Variants in ANKRD54 observed in about 807,000 individuals in gnomAD.
ANKRD54 encodes ankyrin repeat domain-containing protein 54.
Under a neutral mutation model 36.2 loss-of-function variants are expected in ANKRD54, and 26 were observed. The ratio of observed to expected loss-of-function variants is 0.72; its 90% CI spans 0.53 to 1.00. The LOEUF (loss-of-function observed/expected upper bound fraction) is 1.00. Ranked by LOEUF, ANKRD54 falls within the 50% of genes least tolerant of loss-of-function variation. The pLI is 0.00. For missense variants in ANKRD54, 384 were observed against 424.3 expected (o/e 0.91, Z 0.83); for synonymous variants, 209 against 188.4 (o/e 1.11, Z -0.89).
chr22:37,832,540 C>A (rs771008742), intron 7 of ANKRD54, 97 bp downstream of exon 7: 1 of 1,178,686 alleles, frequency 8.5e-7, no homozygotes, highest in Non-Finnish European at 1.2e-6. Flanking sequence ...AGCCCACAGC[C>A]TCTTTCTGAT....
intron 1 of ANKRD54, among the ~76,000 whole-genome samples, chr22:37,840,640 C>T (rs971228346): frequency 2.0e-5 from 3 of 151,884 alleles, no homozygotes; most frequent in Non-Finnish European, 4.4e-5. Flanking sequence ...AATCCCAGCA[C>T]TTTGGGAGGC....
At chr22:37,843,726 A>T (rs1030833439) in intron 1 of ANKRD54, 185 bp downstream of exon 1, 8 of 337,078 alleles carry the variant, frequency 2.4e-5, no homozygotes, top group African/African-American at 4.3e-5. Context: ...AAGACTTTCT[A>T]AAAAAACCAT....
At chr22:37,834,024 C>T (rs1601719487) in intron 3 of ANKRD54, 1 of 409,406 alleles carries the variant, frequency 2.4e-6, no homozygotes, top group East Asian at 4.0e-5. Flanking sequence ...TAAAGTTCTT[C>T]CAATAGCAGC....
chr22:37,833,608 C>T (rs551616522), intron 4 of ANKRD54, 76 bp downstream of exon 4: 23 of 1,517,494 alleles, frequency 1.5e-5, no homozygotes, highest in African/African-American at 2.7e-5. Flanking sequence ...AGGAGCATGC[C>T]GGGCCCCACC....
intron 3 of ANKRD54, among the ~76,000 whole-genome samples, chr22:37,835,623 T>A (rs189599566): frequency 6.6e-6 from 1 of 151,980 alleles, no homozygotes; most frequent in Non-Finnish European, 1.5e-5. Flanking sequence ...CTGGGTAACA[T>A]AGCAGGACCA....
Position 37,843,947 on chromosome 22 carries a change from G to A in ANKRD54, c.292C>T (p.His98Tyr). Residue 98 changes from histidine (H) to tyrosine (Y), a missense_variant, in exon 1 of 8, where the codon CAC becomes TAC. His to Tyr is a moderately conservative substitution (Grantham distance 83). Coordinates refer to ENST00000215941, the MANE Select transcript of ANKRD54 (RefSeq NM_138797.4). ...AGRLRRAARP[H>Y]RRLGPTGKEV... ...TTGCCCGTGGGCCCGAGCCGCCGGTGGGGCCTGGCAGCGCGCCTCAGCCGG... is the reference window on the plus strand; with the variant it reads ...TTGCCCGTGGGCCCGAGCCGCCGGTAGGGCCTGGCAGCGCGCCTCAGCCGG... 7.2e-7 allele frequency: 1 copy of A among 1,382,152 alleles called. No homozygotes were observed. Among genetic ancestry groups the A allele is most frequent in the Non-Finnish European group, 9.3e-7 (1 of 1,070,684 alleles). The allele number at this position is 1,382,152 out of a possible 1,614,324, so 85.6% of individuals were successfully genotyped here. A position where few individuals can be genotyped will look rare whatever the true frequency, so the allele number is the denominator to read the frequency against.
chr22:37,843,923 T>C lies in ANKRD54; in HGVS notation c.316A>G (p.Lys106Glu). 4 of 1,342,436 alleles carry C rather than the reference T, an allele frequency of 3.0e-6. No individual in the cohort carries two copies. The highest frequency in any genetic ancestry group is 3.8e-6 in the Non-Finnish European group (4 of 1,050,142). The allele number at this position is 1,342,436 out of a possible 1,614,324, so 83.2% of individuals were successfully genotyped here. Residue 106 changes from lysine (K) to glutamate (E), a missense_variant, in exon 1 of 8, where the codon AAG becomes GAG. Around this residue, in one of 3 missense-constraint regions of ANKRD54, gnomAD observed 195 missense variants for 177.7 expected, o/e 1.10. Transcript: ENST00000215941. ...TCGCGCCGCTCACCGTGCACCTCCT[T>C]GCCCGTGGGCCCGAGCCGCCGGTGG... Reference protein sequence around the residue: ...RPHRRLGPTGKEVHALKRLRD... With the variant: ...RPHRRLGPTGEEVHALKRLRD...
chr22:37,832,142 C>T lies in ANKRD54; in HGVS notation c.829-125G>A. ...CTCCTCCCAGGGCGTGTGGTGGCTT[C>T]TGACTACGCAGCAGTTGACCAAGGG... On this transcript the variant is annotated intron_variant, in intron 7 of 7. Coordinates refer to ENST00000215941, the MANE Select transcript of ANKRD54 (RefSeq NM_138797.4). 6 of 881,074 alleles carry T rather than the reference C, an allele frequency of 6.8e-6. No homozygotes were observed. The South Asian group carries it at 9.5e-5, about 14-fold the overall frequency. The allele number at this position is 881,074 out of a possible 1,614,324, so 54.6% of individuals were successfully genotyped here.
intron 2 of ANKRD54, among the ~76,000 whole-genome samples, 196 bp downstream of exon 2, chr22:37,839,989 CAG>C (rs1448301325): frequency 2.6e-5 from 4 of 152,234 alleles, no homozygotes; most frequent in Admixed American, 6.5e-5. Flanking sequence ...TTCAAAGTGA[CAG>C]GGGAGCATGG....
At chr22:37,837,715 G>T (rs1923723734) in intron 3 of ANKRD54, among the ~76,000 whole-genome samples, 1 of 152,236 alleles carries the variant, frequency 6.6e-6, no homozygotes, top group Non-Finnish European at 1.5e-5. Flanking sequence ...CAAGGCTGGT[G>T]CAGTGGCTCA....
intron 1 of ANKRD54, among the ~76,000 whole-genome samples, chr22:37,840,983 G>A (rs557207179): frequency 1.6e-3 from 249 of 152,018 alleles, no homozygotes; most frequent in Non-Finnish European, 2.7e-3. Context: ...TTAGGAGGCC[G>A]AGGTAGGAGA....
At chr22:37,840,087 G>A (rs1001279989) in intron 2 of ANKRD54, 100 bp downstream of exon 2, 23 of 1,370,546 alleles carry the variant, frequency 1.7e-5, no homozygotes, top group East Asian at 1.2e-4. Context: ...CTCCAAGGGC[G>A]TGAGTTTGCA....
At position 37,833,202 on chromosome 22, in the gene ANKRD54, G is replaced by A. The variant is rs1360032552; in HGVS notation, c.552C>T (p.Ala184=). The change falls in exon 5 of 8, where the codon GCC becomes GCT. Residue 184 remains alanine (A), a synonymous_variant. Coordinates refer to ENST00000215941, the MANE Select transcript of ANKRD54 (RefSeq NM_138797.4). ...GLGNTPLHLA[A]CTNHVPVITT... is the part of the protein sequence containing the mutation. ...TGATGACAGGAACGTGGTTGGTGCAGGCCGCTGAGGAAGAACAACAGAGAC... is the reference window on the plus strand; with the variant it reads ...TGATGACAGGAACGTGGTTGGTGCAAGCCGCTGAGGAAGAACAACAGAGAC... 6.2e-7 allele frequency: 1 copy of A among 1,613,522 alleles called. No homozygotes were observed. The highest frequency in any genetic ancestry group is 8.5e-7 in the Non-Finnish European group (1 of 1,179,994).
upstream of ANKRD54, chr22:37,849,114 G>A (rs536115682): frequency 1.2e-3 from 529 of 441,650 alleles, 2 homozygotes; most frequent in Non-Finnish European, 1.8e-3. Flanking sequence ...AGCCTCCCGA[G>A]TAGCTGGAAT....
chr22:37,838,726 C>T (rs1923851750), intron 2 of ANKRD54, 128 bp from the exon 3 acceptor site: 6 of 844,016 alleles, frequency 7.1e-6, no homozygotes, highest in Non-Finnish European at 7.4e-6. Flanking sequence ...CATAGGAAAG[C>T]AGCCCTTCCT....
In ANKRD54 at chr22:37,838,581, C is replaced by T. The variant is rs1440075194; in HGVS notation, c.394G>A (p.Asp132Asn). 2 of 1,610,384 alleles carry T rather than the reference C, an allele frequency of 1.2e-6. No individual in the cohort carries two copies. The highest frequency in any genetic ancestry group is 1.7e-6 in the Non-Finnish European group (2 of 1,178,964). The change falls in exon 3 of 8, where the codon GAT becomes AAT. Residue 132 changes from aspartate to asparagine, a missense_variant. Physicochemically the swap from Asp to Asn is conservative, Grantham distance 23. Around this residue, in one of 3 missense-constraint regions of ANKRD54, gnomAD observed 179 missense variants for 224.0 expected, o/e 0.80. Coordinates refer to ENST00000215941, the MANE Select transcript of ANKRD54 (RefSeq NM_138797.4). ...DVETVQQLLEDGADPCAADDK... is the reference protein window; with the variant it reads ...DVETVQQLLENGADPCAADDK... ...TCAGCTGCACAGGGATCCGCGCCATCTTCCAGCAGCTGCTGCACTGACACC... is the reference window on the plus strand; with the variant it reads ...TCAGCTGCACAGGGATCCGCGCCATTTTCCAGCAGCTGCTGCACTGACACC...
At position 37,843,891 on chromosome 22, in the gene ANKRD54, G is replaced by GC. The variant is rs1281572565; in HGVS notation, c.328+19dup. On this transcript the variant is annotated intron_variant, in intron 1 of 7. Coordinates refer to ENST00000215941, the MANE Select transcript of ANKRD54 (RefSeq NM_138797.4). ...CCGGGCTGCCCCGCCCCGGGCCCCC[G>GC]CGCCGCTCGCGCCGCTCACCGTGCA... The GC allele has an allele frequency of 8.2e-7, 1 of 1,212,780 alleles. No individual in the cohort carries two copies. Among genetic ancestry groups the GC allele is most frequent in the Non-Finnish European group, 1.0e-6 (1 of 977,226 alleles). 75.1% of individuals were successfully genotyped at this position (1,212,780 alleles called of 1,614,324 possible).
Position 37,840,315 on chromosome 22 carries a change from C to G in ANKRD54, c.329-81G>C. ...GGCTCATGCCTATAATCCCAGCACTCTGGGAGGCCAAGGCAGGCAGATCAC... is the reference window on the plus strand; with the variant it reads ...GGCTCATGCCTATAATCCCAGCACTGTGGGAGGCCAAGGCAGGCAGATCAC... On this transcript the variant is annotated intron_variant, in intron 1 of 7. Transcript: ENST00000215941. 2.0e-6 allele frequency: 3 copies of G among 1,494,812 alleles called. No homozygotes were observed. The South Asian group carries it at 3.4e-5, about 17-fold the overall frequency. 92.6% of individuals were successfully genotyped at this position (1,494,812 alleles called of 1,614,324 possible). A position where few individuals can be genotyped will look rare whatever the true frequency, so the allele number is the denominator to read the frequency against.
At chr22:37,842,599 AT>A (rs1199204767) in intron 1 of ANKRD54, among the ~76,000 whole-genome samples, 2 of 152,180 alleles carry the variant, frequency 1.3e-5, no homozygotes, top group African/African-American at 2.4e-5. Context: ...TCCTAAGCAG[AT>A]TTTCCCCCTC....
Sources: gnomAD v4.1 joint callset for allele counts (sites outside exome capture counted in the v4.1 genomes callset) on GRCh38, gnomAD v4.1.1 for gene constraint, gnomAD v4.1.1 regional missense constraint, MANE v1.5 for transcripts, NCBI Gene and HGNC (gene_info 2026-07-23, HGNC 2026-07-21) for gene names.